Variants in RUFY2 observed in about 807,000 individuals in gnomAD.
The protein encoded by RUFY2 is RUN and FYVE domain-containing protein 2.
Under a neutral mutation model 94.4 loss-of-function variants are expected in RUFY2, and 49 were observed. The observed-to-expected ratio is 0.52, with a 90% CI of 0.41 to 0.66. The LOEUF (loss-of-function observed/expected upper bound fraction) is 0.66. RUFY2 is among the 30% of genes least tolerant of loss of function. The pLI is 0.00. For synonymous variants in RUFY2, 255 were observed against 235.7 expected (o/e 1.08, Z -0.75); for missense variants, 541 against 692.8 (o/e 0.78, Z 2.46).
At chr10:68,349,938 T>C (rs1315232627) in intron 16 of RUFY2, among the ~76,000 whole-genome samples, 5 of 152,150 alleles carry the variant, frequency 3.3e-5, no homozygotes, top group Non-Finnish European at 2.9e-5. Context: ...ATGTTAAAAA[T>C]ATGCCTGCAG....
intron 16 of RUFY2, among the ~76,000 whole-genome samples, chr10:68,354,100 G>C (rs1589782601): frequency 1.3e-5 from 2 of 152,122 alleles, no homozygotes; most frequent in Admixed American, 6.6e-5. Flanking sequence ...GCAAGGGAGT[G>C]AAGAACAAGA....
intron 16 of RUFY2, among the ~76,000 whole-genome samples, chr10:68,352,794 C>T (rs2046775691): frequency 6.6e-6 from 1 of 152,004 alleles, no homozygotes; most frequent in Non-Finnish European, 1.5e-5. Flanking sequence ...GTGGCACATG[C>T]CTGTAATCTC....
chr10:68,377,963 T>C (rs2048779888), intron 12 of RUFY2: 1 of 985,216 alleles, frequency 1.0e-6, no homozygotes, highest in South Asian at 4.7e-5. Context: ...CAAATCCAAG[T>C]TTAAATTAAA....
downstream of RUFY2, chr10:68,342,257 A>T: frequency 2.0e-6 from 1 of 488,816 alleles, no homozygotes; most frequent in Non-Finnish European, 3.6e-6. Flanking sequence ...TTAAAAATAA[A>T]TTTTTATATT....
Position 68,343,561 on chromosome 10 carries a change from T to G in RUFY2, c.*2207A>C, listed in dbSNP as rs1364257827. The stretch of plus-strand genomic sequence containing the variant: ...TTTAGTTCATAAAATTCACATTTTA[T>G]TTTTTAAACATTATAGGTTAGAAGA... On this transcript the variant is annotated 3_prime_UTR_variant, in exon 18 of 18. Coordinates refer to ENST00000602465, the MANE Select transcript of RUFY2 (RefSeq NM_001330103.2). The G allele has an allele frequency of 2.0e-5, 3 of 152,702 alleles. No individual in the cohort carries two copies. In the South Asian group the frequency reaches 6.2e-4, roughly 32 times the overall value. 9.5% of individuals were successfully genotyped at this position (152,702 alleles called of 1,614,324 possible).
intron 13 of RUFY2, among the ~76,000 whole-genome samples, chr10:68,375,282 A>C (rs1464173646): frequency 7.3e-6 from 1 of 136,138 alleles, no homozygotes; most frequent in African/African-American, 2.7e-5. Context: ...GAACACAGAG[A>C]AGGAAACAAC....
At chr10:68,383,388 A>T (rs1010815627) in intron 10 of RUFY2, among the ~76,000 whole-genome samples, 1 of 151,078 alleles carries the variant, frequency 6.6e-6, no homozygotes, top group African/African-American at 2.4e-5. Context: ...GGAGGCCAAG[A>T]TAGGCAGATC....
intron 16 of RUFY2, 96 bp from the exon 17 acceptor site, chr10:68,346,180 T>C (rs1000367362): frequency 4.9e-5 from 41 of 844,662 alleles, no homozygotes; most frequent in East Asian, 2.4e-4. Context: ...GGAATAGATA[T>C]ATGAAGAATG....
intron 15 of RUFY2, among the ~76,000 whole-genome samples, chr10:68,359,406 A>ACG (rs1554878614): frequency 6.8e-4 from 66 of 97,482 alleles, no homozygotes; most frequent in South Asian, 5.0e-3. Flanking sequence ...ATATACATAT[A>ACG]TAAATATGTG....
chr10:68,362,529 C>T (rs887902845), intron 15 of RUFY2, among the ~76,000 whole-genome samples: 9 of 151,920 alleles, frequency 5.9e-5, no homozygotes, highest in Non-Finnish European at 8.8e-5. Context: ...CAGTGACTCA[C>T]GCCTGTGATC....
At chr10:68,377,519 T>TGC in intron 12 of RUFY2, 5 of 988,092 alleles carry the variant, frequency 5.1e-6, no homozygotes, top group Non-Finnish European at 6.0e-6. Flanking sequence ...GCTCTGTGTG[T>TGC]GTGTGTGTGT....
At position 68,376,454 on chromosome 10, in the gene RUFY2, A is replaced by G. The variant is rs1349065410; in HGVS notation, c.1325+399T>C. Among the ~76,000 whole-genome samples the G allele has an allele frequency of 9.0e-4, 21 of 23,332 alleles. 1 individual carries two copies. The highest frequency in any genetic ancestry group is 3.3e-3 in the African/African-American group (20 of 6,094). 15.3% of individuals were successfully genotyped at this position (23,332 alleles called of 152,430 possible). The stretch of plus-strand genomic sequence containing the variant: ...CAAAAAAATGTGTGTATATATATAT[A>G]TATATATATATATATATATATATAT... On this transcript the variant is annotated intron_variant, in intron 13 of 17. Coordinates refer to ENST00000602465, the MANE Select transcript of RUFY2 (RefSeq NM_001330103.2).
chr10:68,369,920 A>G (rs140986335), intron 13 of RUFY2, among the ~76,000 whole-genome samples: 1 of 152,254 alleles, frequency 6.6e-6, no homozygotes, highest in East Asian at 1.9e-4. Flanking sequence ...AGATTCCAGA[A>G]CTGTAAGAAA....
chr10:68,346,273 G>A (rs914790616), intron 16 of RUFY2, 189 bp from the exon 17 acceptor site: 1 of 543,666 alleles, frequency 1.8e-6, no homozygotes, highest in Non-Finnish European at 3.2e-6. Flanking sequence ...GGTTGGGGAG[G>A]TGGGATGTGG....
chr10:68,388,728 T>C (rs1480205041), intron 7 of RUFY2, among the ~76,000 whole-genome samples: 2 of 150,164 alleles, frequency 1.3e-5, no homozygotes, highest in Non-Finnish European at 3.0e-5. Context: ...CCCAGCTACT[T>C]GGTAGGCTGA....
At chr10:68,400,312 C>T (rs1226859127) in intron 3 of RUFY2, among the ~76,000 whole-genome samples, 4 of 150,036 alleles carry the variant, frequency 2.7e-5, no homozygotes, top group African/African-American at 9.8e-5. Flanking sequence ...TGAGACTGTC[C>T]GTCTCAAAAT....
chr10:68,385,211 C>T (rs2132872865), intron 8 of RUFY2, among the ~76,000 whole-genome samples: 1 of 151,904 alleles, frequency 6.6e-6, no homozygotes, highest in East Asian at 1.9e-4. Context: ...TTGCAGTGAG[C>T]CGAGATCGCG....
intron 15 of RUFY2, among the ~76,000 whole-genome samples, chr10:68,362,576 G>C (rs896507179): frequency 6.6e-6 from 1 of 151,602 alleles, no homozygotes; most frequent in African/African-American, 2.4e-5. Flanking sequence ...AGGACTGCTT[G>C]AGGTCAGGAG....
chr10:68,348,201 T>TA (rs1350427709), intron 16 of RUFY2, among the ~76,000 whole-genome samples: 2 of 149,752 alleles, frequency 1.3e-5, no homozygotes, highest in African/African-American at 4.9e-5. Context: ...TTTTTTTTTT[T>TA]AATGCAGGAC....
Sources: gnomAD v4.1 joint callset for allele counts (sites outside exome capture counted in the v4.1 genomes callset) on GRCh38, gnomAD v4.1.1 for gene constraint, MANE v1.5 for transcripts, NCBI Gene and HGNC (gene_info 2026-07-23, HGNC 2026-07-21) for gene names.